PARL: variants seen among roughly 807,000 people sequenced by gnomAD.
PARL encodes presenilin associated rhomboid like.
In PARL, 44 loss-of-function variants were observed where a neutral mutation model predicts 51.6. The ratio of observed to expected loss-of-function variants is 0.85; its 90% CI spans 0.67 to 1.10. The LOEUF (loss-of-function observed/expected upper bound fraction) is 1.10. Among genes scored for constraint, PARL ranks in the 50% least tolerant of loss-of-function variants. PARL has a pLI of 0.00. For synonymous variants in PARL, 172 were observed against 164.0 expected (o/e 1.05, Z -0.37); for missense variants, 441 against 469.5 (o/e 0.94, Z 0.56).
chr3:183,846,355 T>C (rs1172517236), intron 4 of PARL: 1 of 165,528 alleles, frequency 6.0e-6, no homozygotes, highest in Non-Finnish European at 1.2e-5. Flanking sequence ...TAGCTGGGCG[T>C]GGTGGTGCAT....
At chr3:183,829,212 G>A (rs190781580), downstream of PARL, 3,082 of 287,870 alleles carry the variant, frequency 0.011, 22 homozygotes, top group Middle Eastern at 0.016. Flanking sequence ...GGGAGGGGGA[G>A]GCAAGGAAGA....
chr3:183,857,056 C>T (rs1330345596), intron 4 of PARL, among the ~76,000 whole-genome samples: 1 of 152,028 alleles, frequency 6.6e-6, no homozygotes, highest in African/African-American at 2.4e-5. Context: ...CATGGAATAC[C>T]ATAATGCCAT....
intron 4 of PARL, among the ~76,000 whole-genome samples, chr3:183,859,036 G>A (rs1731491728): frequency 6.6e-6 from 1 of 152,102 alleles, no homozygotes; most frequent in Admixed American, 6.5e-5. Flanking sequence ...GCCGGGCGCG[G>A]TGGCTCACGC....
intron 4 of PARL, among the ~76,000 whole-genome samples, chr3:183,848,187 T>G (rs1403447718): frequency 6.6e-6 from 1 of 152,266 alleles, no homozygotes; most frequent in African/African-American, 2.4e-5. Flanking sequence ...TGTATTTACT[T>G]AAGAAAAACA....
At chr3:183,879,610 T>G (rs1734205344) in intron 1 of PARL, 2 of 317,452 alleles carry the variant, frequency 6.3e-6, no homozygotes, top group Non-Finnish European at 4.6e-6. Context: ...TTAGGTCAGT[T>G]AAGAGTTTGG....
intron 1 of PARL, among the ~76,000 whole-genome samples, chr3:183,873,518 G>A (rs1418239669): frequency 1.3e-5 from 2 of 149,760 alleles, no homozygotes; most frequent in African/African-American, 4.9e-5. Flanking sequence ...CAGTGTGAGA[G>A]CTCCTGAGTG....
chr3:183,834,459 T>C (rs971650216), intron 7 of PARL, among the ~76,000 whole-genome samples: 3 of 152,138 alleles, frequency 2.0e-5, no homozygotes, highest in African/African-American at 4.8e-5. Flanking sequence ...TGGATGAGTC[T>C]CAAAGTAATT....
At chr3:183,830,300 A>G (rs148069624) in intron 9 of PARL, among the ~76,000 whole-genome samples, 389 of 152,350 alleles carry the variant, frequency 2.6e-3, no homozygotes, top group African/African-American at 8.7e-3. Context: ...TGACGCACAG[A>G]GAGGTTTAGT....
At chr3:183,828,829 G>C (rs1030250225), downstream of PARL, among the ~76,000 whole-genome samples, 3 of 152,200 alleles carry the variant, frequency 2.0e-5, no homozygotes, top group Non-Finnish European at 4.4e-5. Context: ...ACTTCAAGAA[G>C]AACATACTCT....
chr3:183,853,667 G>GA (rs1441252137), intron 4 of PARL, among the ~76,000 whole-genome samples: 1 of 152,160 alleles, frequency 6.6e-6, no homozygotes, highest in Non-Finnish European at 1.5e-5. Context: ...ACGAGCACGT[G>GA]AAAAGATGCT....
At position 183,846,666 on chromosome 3, in the gene PARL, T is replaced by C. The variant is rs1729988678; in HGVS notation, c.512-2340A>G. The C allele has an allele frequency of 6.1e-6, 6 of 983,332 alleles. No homozygotes were observed. In the South Asian group the frequency reaches 2.4e-4, roughly 39 times the overall value. The allele number at this position is 983,332 out of a possible 1,614,324, so 60.9% of individuals were successfully genotyped here. Reference sequence around the variant, plus strand: ...CCCTTACTTCATAAGCCAGTGGTCATCAAACTGCTTTCATGGGGCACCCCA... The same window carrying C: ...CCCTTACTTCATAAGCCAGTGGTCACCAAACTGCTTTCATGGGGCACCCCA... On this transcript the variant is annotated intron_variant, in intron 4 of 9. Coordinates refer to ENST00000317096, the MANE Select transcript of PARL (RefSeq NM_018622.7).
intron 4 of PARL, among the ~76,000 whole-genome samples, chr3:183,853,994 T>C (rs1234660776): frequency 2.6e-5 from 4 of 152,160 alleles, no homozygotes. Flanking sequence ...ATCCCAGCAC[T>C]TTGGGAGGCC....
chr3:183,877,156 G>A (rs1733944838), intron 1 of PARL, among the ~76,000 whole-genome samples: 1 of 152,232 alleles, frequency 6.6e-6, no homozygotes, highest in Admixed American at 6.5e-5. Flanking sequence ...AGAGGTTGCA[G>A]TGAGCCAAGA....
intron 5 of PARL, among the ~76,000 whole-genome samples, chr3:183,843,634 T>A (rs966447887): frequency 2.6e-5 from 4 of 151,936 alleles, no homozygotes; most frequent in Admixed American, 2.6e-4. Context: ...ATCGAGACCA[T>A]CCTGGCTAAC....
chr3:183,881,455 C>T (rs1421536482), intron 1 of PARL, among the ~76,000 whole-genome samples: 1 of 152,182 alleles, frequency 6.6e-6, no homozygotes, highest in African/African-American at 2.4e-5. Context: ...ACGGTAAAGA[C>T]AATACAACTT....
chr3:183,847,197 T>TG (rs1273636918), intron 4 of PARL, among the ~76,000 whole-genome samples: 3 of 152,186 alleles, frequency 2.0e-5, no homozygotes, highest in Non-Finnish European at 4.4e-5. Flanking sequence ...CATTATAACC[T>TG]GGGGAAGAGG....
Position 183,844,392 on chromosome 3 carries a change from A to G in PARL, c.512-66T>C, listed in dbSNP as rs374003228. 458 of 978,390 alleles carry G rather than the reference A, an allele frequency of 4.7e-4. 4 individuals carry two copies. The African/African-American group carries it at 6.9e-3, about 15-fold the overall frequency. 60.6% of individuals were successfully genotyped at this position (978,390 alleles called of 1,614,324 possible). ...AAAGCAGGAAAGTCTGATCTACATTACCCCCTTGTAAGATTCTTCCACAAT... is the reference window on the plus strand; with the variant it reads ...AAAGCAGGAAAGTCTGATCTACATTGCCCCCTTGTAAGATTCTTCCACAAT... On this transcript the variant is annotated intron_variant, in intron 4 of 9. Transcript: ENST00000317096.
intron 4 of PARL, among the ~76,000 whole-genome samples, chr3:183,855,563 C>T (rs1343977045): frequency 1.3e-5 from 2 of 152,192 alleles, no homozygotes; most frequent in East Asian, 3.8e-4. Context: ...AAGTGCATTA[C>T]ATTTATTCTG....
At chr3:183,870,145 G>A (rs894535906) in intron 1 of PARL, among the ~76,000 whole-genome samples, 2 of 148,938 alleles carry the variant, frequency 1.3e-5, no homozygotes, top group East Asian at 4.0e-4. Context: ...GTGTGGTGGT[G>A]CACACCTGTA....
Sources: gnomAD v4.1 joint callset for allele counts (sites outside exome capture counted in the v4.1 genomes callset) on GRCh38, gnomAD v4.1.1 for gene constraint, MANE v1.5 for transcripts, NCBI Gene and HGNC (gene_info 2026-07-23, HGNC 2026-07-21) for gene names.